ADK: variants seen among roughly 807,000 people sequenced by gnomAD.
The protein encoded by ADK is N6,N6-dimethyladenosine kinase.
A neutral mutation model predicts 44.7 loss-of-function variants in ADK; 24 were observed. The observed-to-expected ratio is 0.54, with a 90% CI of 0.39 to 0.76. ADK has a LOEUF of 0.76. Ranked by LOEUF, ADK falls within the 30% of genes least tolerant of loss-of-function variation. The pLI is 0.00. For synonymous variants in ADK, 128 were observed against 142.6 expected (o/e 0.90, Z 0.73); for missense variants, 321 against 425.1 (o/e 0.76, Z 2.15).
intron 7 of ADK, among the ~76,000 whole-genome samples, chr10:74,565,326 TC>T (rs1434118340): frequency 1.3e-5 from 2 of 152,170 alleles, no homozygotes; most frequent in East Asian, 3.8e-4. Context: ...GCATAACTGT[TC>T]CCCTAACAAC....
intron 9 of ADK, among the ~76,000 whole-genome samples, chr10:74,653,281 A>C (rs558004324): frequency 6.6e-6 from 1 of 152,122 alleles, no homozygotes; most frequent in African/African-American, 2.4e-5. Flanking sequence ...ATGAAACCCT[A>C]TATCTACTAA....
chr10:74,383,036 T>A (rs900566567), intron 4 of ADK, among the ~76,000 whole-genome samples: 3 of 152,054 alleles, frequency 2.0e-5, no homozygotes, highest in African/African-American at 7.2e-5. Flanking sequence ...AAAATAAGAT[T>A]CATACTCCTT....
At chr10:74,501,219 G>A (rs1847874052) in intron 6 of ADK, among the ~76,000 whole-genome samples, 1 of 152,166 alleles carries the variant, frequency 6.6e-6, no homozygotes, top group South Asian at 2.1e-4. Context: ...ACTGTTTTGT[G>A]TTCTGTTAAG....
At chr10:74,534,430 G>C (rs1849386526) in intron 7 of ADK, among the ~76,000 whole-genome samples, 1 of 152,148 alleles carries the variant, frequency 6.6e-6, no homozygotes, top group Admixed American at 6.5e-5. Context: ...TGAAACTTCT[G>C]TTATTTCCAT....
chr10:74,479,454 G>T, intron 6 of ADK, among the ~76,000 whole-genome samples: 1 of 120,116 alleles, frequency 8.3e-6, no homozygotes, highest in Admixed American at 8.6e-5. Flanking sequence ...ACTTTGAATT[G>T]GTTTGTTTTA....
intron 3 of ADK, among the ~76,000 whole-genome samples, chr10:74,230,663 T>C (rs1438168200): frequency 6.6e-6 from 1 of 150,560 alleles, no homozygotes; most frequent in African/African-American, 2.4e-5. Flanking sequence ...ACAGGCATGA[T>C]CTACTGCACC....
intron 1 of ADK, among the ~76,000 whole-genome samples, chr10:74,189,301 G>A (rs994901256): frequency 3.9e-5 from 6 of 152,110 alleles, no homozygotes; most frequent in South Asian, 2.1e-4. Flanking sequence ...CAGGGAATGC[G>A]TTGTTGACAT....
intron 4 of ADK, among the ~76,000 whole-genome samples, chr10:74,356,309 C>T (rs1288043859): frequency 2.0e-5 from 3 of 152,028 alleles, no homozygotes; most frequent in African/African-American, 4.8e-5. Context: ...TGAGCCACCG[C>T]GCCCGGCCAA....
chr10:74,487,418 A>T (rs1847304060), intron 6 of ADK, among the ~76,000 whole-genome samples: 1 of 151,972 alleles, frequency 6.6e-6, no homozygotes, highest in African/African-American at 2.4e-5. Context: ...TAAGAGTTAC[A>T]GTCTTAAAAT....
At chr10:74,284,104 G>A (rs920298845) in intron 3 of ADK, among the ~76,000 whole-genome samples, 8 of 152,238 alleles carry the variant, frequency 5.3e-5, no homozygotes, top group South Asian at 4.1e-4. Context: ...CATTACAGGC[G>A]TGTGCCACCA....
At chr10:74,590,175 G>A (rs1475487741) in intron 8 of ADK, among the ~76,000 whole-genome samples, 4 of 152,142 alleles carry the variant, frequency 2.6e-5, no homozygotes, top group Non-Finnish European at 5.9e-5. Context: ...AGTGAACTAT[G>A]TAGAATGCTG....
chr10:74,492,488 C>T (rs1847524762), intron 6 of ADK, among the ~76,000 whole-genome samples: 2 of 152,042 alleles, frequency 1.3e-5, no homozygotes, highest in Non-Finnish European at 1.5e-5. Flanking sequence ...AGAATAAGCT[C>T]ATGGACTGTT....
chr10:74,459,599 C>G (rs1005224831), intron 6 of ADK, among the ~76,000 whole-genome samples: 2 of 151,308 alleles, frequency 1.3e-5, no homozygotes, highest in African/African-American at 4.9e-5. Context: ...CGTGGTAGCA[C>G]ACGCCTGTAG....
At chr10:74,279,880 T>A (rs1016259062) in intron 3 of ADK, among the ~76,000 whole-genome samples, 1 of 152,006 alleles carries the variant, frequency 6.6e-6, no homozygotes, top group African/African-American at 2.4e-5. Context: ...AAAGAAAAAT[T>A]AAACTGGTGT....
rs1051020948 is a variant in ADK, at chr10:74,541,798, C to CA, written c.726+16372_726+16373insA. On this transcript the variant is annotated intron_variant, in intron 7 of 10. Coordinates refer to ENST00000539909, the MANE Select transcript of ADK (RefSeq NM_006721.4). ...ACAGAACGAGAACCCCCACACACCC[C>CA]CCCCCCCTAAAAAAAAACAACACAA... is the stretch of plus-strand genomic sequence containing the variant. Among the ~76,000 whole-genome samples the CA allele has an allele frequency of 4.6e-5, 6 of 129,704 alleles. 1 individual carries two copies. The highest frequency in any genetic ancestry group is 1.2e-4 in the African/African-American group (4 of 34,460). 85.1% of individuals were successfully genotyped at this position (129,704 alleles called of 152,430 possible). A position where few individuals can be genotyped will look rare whatever the true frequency, so the allele number is the denominator to read the frequency against.
At chr10:74,608,669 C>G (rs1246119130) in intron 9 of ADK, among the ~76,000 whole-genome samples, 7 of 152,042 alleles carry the variant, frequency 4.6e-5, no homozygotes, top group African/African-American at 1.7e-4. Flanking sequence ...GTCTGTCGAC[C>G]CTTGCTGGGA....
chr10:74,257,341 C>T (rs184676333), intron 3 of ADK, among the ~76,000 whole-genome samples: 5 of 152,246 alleles, frequency 3.3e-5, no homozygotes, highest in East Asian at 3.9e-4. Flanking sequence ...GGTGGACTTG[C>T]GCAGTTCAAA....
rs1049725307 is a variant in ADK, at chr10:74,190,262, C to T, written c.66-10502C>T. 9.2e-5 allele frequency among the ~76,000 whole-genome samples: 14 copies of T among 152,192 alleles called. No individual in the cohort carries two copies. The South Asian group carries it at 1.2e-3, about 13-fold the overall frequency. On this transcript the variant is annotated intron_variant, in intron 1 of 10. Coordinates refer to ENST00000539909, the MANE Select transcript of ADK (RefSeq NM_006721.4). The stretch of plus-strand genomic sequence containing the variant: ...CAATACTTGTTACTGTTCTAGTCTT[C>T]GCTGAGAGGCTCTGTGTGCTTGTTG...
intron 6 of ADK, 85 bp downstream of exon 6, chr10:74,398,664 A>T (rs1843607524): frequency 1.4e-6 from 1 of 717,090 alleles, no homozygotes; most frequent in African/African-American, 1.8e-5. Flanking sequence ...TAAAATAATT[A>T]TCTTTTATTT....
Sources: gnomAD v4.1 joint callset for allele counts (sites outside exome capture counted in the v4.1 genomes callset) on GRCh38, gnomAD v4.1.1 for gene constraint, MANE v1.5 for transcripts, NCBI Gene and HGNC (gene_info 2026-07-23, HGNC 2026-07-21) for gene names.